Variants in ADGRA3 observed in about 807,000 individuals in gnomAD.
ADGRA3 encodes G-protein coupled receptor 125.
ADGRA3 carries 56 observed loss-of-function variants against 119.8 expected under a neutral mutation model. The ratio of observed to expected loss-of-function variants is 0.47; its 90% CI spans 0.38 to 0.58. The LOEUF (loss-of-function observed/expected upper bound fraction) is 0.58, where lower values mean the gene tolerates loss of function less well. Ranked by LOEUF, ADGRA3 falls within the 20% of genes least tolerant of loss-of-function variation. The pLI is 0.00. For synonymous variants in ADGRA3, 607 were observed against 623.8 expected, an observed-to-expected ratio of 0.97 and a Z score of 0.40; for missense variants, 1,516 against 1,649.0, an observed-to-expected ratio of 0.92 and a Z score of 1.40.
Position 22,413,610 on chromosome 4 carries a change from T to C in ADGRA3, c.2014A>G (p.Thr672Ala). The C allele has an allele frequency of 6.2e-7, 1 of 1,611,668 alleles. No individual in the cohort carries two copies. Residue 672 changes from threonine (T) to alanine (A), a missense_variant, in exon 13 of 19, where the codon ACC (threonine) becomes GCC (alanine). By Grantham distance (58) the Thr-to-Ala change is moderately conservative. Coordinates refer to ENST00000334304, the MANE Select transcript of ADGRA3 (RefSeq NM_145290.4). ...TATGCCACATACAAACCTATTTTGG[T>C]GAGAATCACAGGGGTAACCACAGTA... The part of the protein sequence containing the change: ...RRTVVTPVIL[T>A]KIDGVNVDTH...
At chr4:22,474,864 G>C (rs1000385098) in intron 1 of ADGRA3, among the ~76,000 whole-genome samples, 11 of 152,082 alleles carry the variant, frequency 7.2e-5, no homozygotes, top group Non-Finnish European at 1.3e-4. Flanking sequence ...CTTCACAATG[G>C]GTACAGTGTG....
chr4:22,448,241 C>G (rs575513428), intron 4 of ADGRA3, among the ~76,000 whole-genome samples: 1 of 152,148 alleles, frequency 6.6e-6, no homozygotes, highest in Non-Finnish European at 1.5e-5. Flanking sequence ...TGTGTGTGTA[C>G]GCACTTCCGT....
chr4:22,504,904 A>C (rs781266472), intron 1 of ADGRA3, among the ~76,000 whole-genome samples: 3 of 152,104 alleles, frequency 2.0e-5, no homozygotes, highest in Non-Finnish European at 2.9e-5. Flanking sequence ...TCAGAACATG[A>C]AGTCTGTGGT....
At chr4:22,465,120 G>A (rs1717608836) in intron 2 of ADGRA3, among the ~76,000 whole-genome samples, 2 of 152,190 alleles carry the variant, frequency 1.3e-5, no homozygotes. Context: ...GGTGGGAAAG[G>A]TTTGCAACTA....
At chr4:22,479,211 C>A (rs570198060) in intron 1 of ADGRA3, among the ~76,000 whole-genome samples, 169 of 152,184 alleles carry the variant, frequency 1.1e-3, no homozygotes, top group African/African-American at 3.7e-3. Context: ...CGCCTGTAAT[C>A]CCAGCACTTT....
chr4:22,494,546 T>C (rs1718744634), intron 1 of ADGRA3, among the ~76,000 whole-genome samples: 1 of 152,100 alleles, frequency 6.6e-6, no homozygotes, highest in Admixed American at 6.5e-5. Flanking sequence ...GATTGGGACC[T>C]CTTTCCTGTA....
At chr4:22,450,951 A>AATATATAT (rs1310599032) in intron 4 of ADGRA3, among the ~76,000 whole-genome samples, 37 of 122,784 alleles carry the variant, frequency 3.0e-4, no homozygotes, top group African/African-American at 1.1e-3. Context: ...AAAAAAAAAA[A>AATATATAT]ATATATATAT....
At chr4:22,442,600 A>G (rs768143800) in intron 7 of ADGRA3, 50 bp downstream of exon 7, 1 of 1,321,532 alleles carries the variant, frequency 7.6e-7, no homozygotes, top group Non-Finnish European at 1.1e-6. Context: ...AAAAGGATAA[A>G]TAAAATACAC....
At chr4:22,450,257 C>A (rs1315515366) in intron 4 of ADGRA3, among the ~76,000 whole-genome samples, 1 of 149,988 alleles carries the variant, frequency 6.7e-6, no homozygotes, top group East Asian at 1.9e-4. Context: ...CACCCCCATC[C>A]TTTATGCTTC....
intron 4 of ADGRA3, among the ~76,000 whole-genome samples, chr4:22,448,719 C>T (rs549483803): frequency 4.5e-4 from 69 of 152,256 alleles, no homozygotes; most frequent in Admixed American, 2.3e-3. Context: ...AATTAACCTC[C>T]AATGACCTTC....
intron 14 of ADGRA3, among the ~76,000 whole-genome samples, chr4:22,411,979 T>A (rs1715224557): frequency 6.6e-6 from 1 of 151,616 alleles, no homozygotes; most frequent in Non-Finnish European, 1.5e-5. Flanking sequence ...CATACAAGAG[T>A]CAAAGAAAAT....
At chr4:22,501,309 G>A (rs1428566928) in intron 1 of ADGRA3, among the ~76,000 whole-genome samples, 2 of 149,664 alleles carry the variant, frequency 1.3e-5, no homozygotes, top group East Asian at 4.0e-4. Context: ...AAAGACAAGT[G>A]TTTTCTGAAA....
At chr4:22,416,358 C>T (rs551535531) in intron 12 of ADGRA3, among the ~76,000 whole-genome samples, 16 of 152,088 alleles carry the variant, frequency 1.1e-4, no homozygotes, top group Non-Finnish European at 1.9e-4. Flanking sequence ...AACAAGTTTT[C>T]GGTTTCCAGT....
chr4:22,392,728 A>G (rs778132302), intron 16 of ADGRA3, 38 bp from the exon 17 acceptor site: 2 of 1,579,664 alleles, frequency 1.3e-6, no homozygotes, highest in East Asian at 4.5e-5. Flanking sequence ...AAGAAAAAAA[A>G]TGTTCCTACT....
intron 1 of ADGRA3, among the ~76,000 whole-genome samples, chr4:22,492,575 C>G (rs1718665292): frequency 6.6e-6 from 1 of 152,078 alleles, no homozygotes; most frequent in Non-Finnish European, 1.5e-5. Flanking sequence ...AAGCAAAACA[C>G]AGAATATGTT....
chr4:22,413,957 A>C, intron 12 of ADGRA3, 143 bp from the exon 13 acceptor site: 1 of 568,276 alleles, frequency 1.8e-6, no homozygotes, highest in Non-Finnish European at 3.0e-6. Context: ...ACAGTTAAAA[A>C]AATCATCAGT....
chr4:22,456,029 G>C lies in ADGRA3; in HGVS notation c.402-1092C>G, dbSNP rs1560326656. On this transcript the variant is annotated intron_variant, in intron 3 of 18. Transcript: ENST00000334304. ...TGTCCCTATTATTCTCTGTCATAGA[G>C]AGGTACGCATTCTTCGAGTTACTCT... Among the ~76,000 whole-genome samples, 3 of 152,150 alleles carry C rather than the reference G, an allele frequency of 2.0e-5. 1 individual carries two copies. In the South Asian group the frequency reaches 6.2e-4, roughly 32 times the overall value.
At chr4:22,495,630 C>A (rs112775331) in intron 1 of ADGRA3, among the ~76,000 whole-genome samples, 1 of 151,894 alleles carries the variant, frequency 6.6e-6, no homozygotes, top group Non-Finnish European at 1.5e-5. Context: ...AGTTATAGGC[C>A]GGGCGTGGTG....
intron 1 of ADGRA3, among the ~76,000 whole-genome samples, chr4:22,496,152 A>C (rs1373824346): frequency 1.3e-5 from 2 of 152,168 alleles, no homozygotes; most frequent in East Asian, 1.9e-4. Flanking sequence ...TATATCTGTC[A>C]ATGTGAATTT....
Sources: allele counts gnomAD v4.1 joint callset (sites outside exome capture counted in the v4.1 genomes callset), GRCh38; gene constraint gnomAD v4.1.1; transcripts MANE v1.5; gene names NCBI Gene and HGNC (gene_info 2026-07-23, HGNC 2026-07-21).